TRPC4: variants seen among roughly 807,000 people sequenced by gnomAD.
TRPC4 encodes transient receptor potential cation channel subfamily C member 4, also known as short transient receptor potential channel 4.
TRPC4 carries 49 observed loss-of-function variants against 99.4 expected under a neutral mutation model. The observed-to-expected ratio is 0.49, with a 90% CI of 0.39 to 0.63. TRPC4 has a LOEUF of 0.63. Ranked by LOEUF, TRPC4 falls within the 20% of genes least tolerant of loss-of-function variation. The probability of loss-of-function intolerance (pLI) is 0.00; values close to 1 mark genes in which losing one functional copy is unlikely to be tolerated. For missense variants in TRPC4, 898 were observed against 1,152.9 expected (o/e 0.78, Z 3.20); for synonymous variants, 454 against 425.9 (o/e 1.07, Z -0.81).
At chr13:37,711,576 TC>T (rs1252992371) in intron 3 of TRPC4, among the ~76,000 whole-genome samples, 2 of 152,046 alleles carry the variant, frequency 1.3e-5, no homozygotes, top group African/African-American at 2.4e-5. Flanking sequence ...TTAATTATTT[TC>T]ACTACCATTC....
chr13:37,685,001 A>G (rs756421596), intron 4 of TRPC4, among the ~76,000 whole-genome samples: 1 of 152,154 alleles, frequency 6.6e-6, no homozygotes, highest in Non-Finnish European at 1.5e-5. Flanking sequence ...AAAGTCACAC[A>G]TAATATGTTT....
intron 4 of TRPC4, among the ~76,000 whole-genome samples, chr13:37,687,449 G>T (rs967476240): frequency 6.6e-6 from 1 of 151,968 alleles, no homozygotes; most frequent in African/African-American, 2.4e-5. Context: ...ATTCAAACTG[G>T]GTTTCAGGAA....
In TRPC4 at chr13:37,663,649, G is replaced by A. The variant is rs1694348571; in HGVS notation, c.1455C>T (p.Asn485=). Residue 485 remains asparagine (N), a synonymous_variant, in exon 6 of 11, where the codon AAC becomes AAT. Coordinates refer to ENST00000379705, the MANE Select transcript of TRPC4 (RefSeq NM_016179.4). ...LVAEALFAIA[N]IFSSLRLISL... ...AGATCAGACGCAGAGAACTGAAGAT[G>A]TTTGCAATAGCAAATAAAGCCTCTG... 4 of 1,614,018 alleles carry A rather than the reference G, an allele frequency of 2.5e-6. No individual in the cohort carries two copies. The highest frequency in any genetic ancestry group is 1.3e-5 in the African/African-American group (1 of 74,908).
intron 1 of TRPC4, among the ~76,000 whole-genome samples, chr13:37,843,378 C>T (rs1958796450): frequency 6.6e-6 from 1 of 152,178 alleles, no homozygotes; most frequent in Non-Finnish European, 1.5e-5. Context: ...TTAAACTTCA[C>T]ATGCTTTTAG....
chr13:37,687,157 G>T (rs1453088158), intron 4 of TRPC4, among the ~76,000 whole-genome samples: 3 of 151,950 alleles, frequency 2.0e-5, no homozygotes, highest in Non-Finnish European at 4.4e-5. Flanking sequence ...TAGAGACAGG[G>T]TTTCACTATG....
intron 1 of TRPC4, among the ~76,000 whole-genome samples, chr13:37,827,874 G>C (rs959479078): frequency 4.6e-5 from 7 of 152,176 alleles, no homozygotes; most frequent in African/African-American, 1.7e-4. Flanking sequence ...CCCTAGCCTC[G>C]CTGCTGCCTT....
Position 37,655,190 on chromosome 13 carries a change from C to T in TRPC4, c.1782G>A (p.Glu594=), listed in dbSNP as rs1257827488. ...TCCCAAACATGGTGGCACCAACAAACTCAGTAAATTCATGCTGTGCTTTGA... is the reference window on the plus strand; with the variant it reads ...TCCCAAACATGGTGGCACCAACAAATTCAGTAAATTCATGCTGTGCTTTGA... ...TNVKAQHEFT[E]FVGATMFGTY... Residue 594 remains glutamate (E), a synonymous_variant, in exon 7 of 11, where the codon GAG becomes GAA. Transcript: ENST00000379705. 1.2e-6 allele frequency: 2 copies of T among 1,608,822 alleles called. No individual in the cohort carries two copies. The highest frequency in any genetic ancestry group is 1.7e-5 in the Admixed American group (1 of 59,426).
chr13:37,685,037 T>C (rs886489429), intron 4 of TRPC4, among the ~76,000 whole-genome samples: 4 of 152,120 alleles, frequency 2.6e-5, no homozygotes, highest in Admixed American at 1.3e-4. Context: ...GCAGTGATGA[T>C]ACTGGTGGTG....
intron 1 of TRPC4, among the ~76,000 whole-genome samples, chr13:37,796,345 T>C (rs992439336): frequency 6.6e-6 from 1 of 152,194 alleles, no homozygotes; most frequent in Non-Finnish European, 1.5e-5. Flanking sequence ...TCCCATGCAA[T>C]GAATACAGAG....
chr13:37,821,738 G>A (rs1001684862), intron 1 of TRPC4, among the ~76,000 whole-genome samples: 1 of 152,174 alleles, frequency 6.6e-6, no homozygotes, highest in Non-Finnish European at 1.5e-5. Flanking sequence ...AATAAATGAT[G>A]CTGGGATAAC....
chr13:37,868,892 G>T (rs943064304), intron 1 of TRPC4, among the ~76,000 whole-genome samples: 6 of 151,934 alleles, frequency 3.9e-5, no homozygotes, highest in Non-Finnish European at 5.9e-5. Flanking sequence ...GTCTCTAGTC[G>T]CAAAAGACAG....
chr13:37,732,751 T>G (rs1314537765), intron 3 of TRPC4, among the ~76,000 whole-genome samples: 1 of 152,094 alleles, frequency 6.6e-6, no homozygotes, highest in African/African-American at 2.4e-5. Flanking sequence ...AGAATATATT[T>G]AACCATGGAG....
intron 2 of TRPC4, among the ~76,000 whole-genome samples, chr13:37,765,025 G>C (rs1456783999): frequency 6.6e-6 from 1 of 150,940 alleles, no homozygotes; most frequent in Non-Finnish European, 1.5e-5. Context: ...AAATATTTGT[G>C]AAAGATTGAA....
At chr13:37,811,581 AG>A (rs1390259376) in intron 1 of TRPC4, among the ~76,000 whole-genome samples, 1 of 152,142 alleles carries the variant, frequency 6.6e-6, no homozygotes, top group Non-Finnish European at 1.5e-5. Flanking sequence ...AAGTGTGCAA[AG>A]GTTCAGACAT....
rs767498840 is a variant in TRPC4, at chr13:37,637,116, C to A, written c.2721G>T (p.Val907=). The stretch of plus-strand genomic sequence containing the variant: ...TATTCCTTTCTCTATGGTCTACTAA[C>A]ACACATTGTTCACTGAGACCGGGAA... The part of the protein sequence containing the change: ...LSIPGLSEQC[V]LVDHRERNTD... The change falls in exon 11 of 11, where the codon GTG becomes GTT. Residue 907 remains valine (V), a synonymous_variant. Transcript: ENST00000379705. 8 of 1,613,804 alleles carry A rather than the reference C, an allele frequency of 5.0e-6. No homozygotes were observed. In the Admixed American group the frequency reaches 1.2e-4, roughly 24 times the overall value.
intron 5 of TRPC4, among the ~76,000 whole-genome samples, chr13:37,669,312 G>T (rs1236606603): frequency 6.6e-6 from 1 of 152,126 alleles, no homozygotes; most frequent in Non-Finnish European, 1.5e-5. Context: ...AAATAAACCA[G>T]CCCTAATGAA....
At chr13:37,716,647 A>T (rs1954677635) in intron 3 of TRPC4, among the ~76,000 whole-genome samples, 1 of 152,146 alleles carries the variant, frequency 6.6e-6, no homozygotes, top group East Asian at 1.9e-4. Flanking sequence ...CATAAAAGAC[A>T]TTACTGCTAA....
At chr13:37,757,100 G>A (rs2070972058) in intron 2 of TRPC4, among the ~76,000 whole-genome samples, 1 of 121,788 alleles carries the variant, frequency 8.2e-6, no homozygotes, top group Non-Finnish European at 1.8e-5. Context: ...TAAAAAATAT[G>A]CAATGTGGTA....
At chr13:37,726,032 C>G (rs556791449) in intron 3 of TRPC4, among the ~76,000 whole-genome samples, 1 of 152,076 alleles carries the variant, frequency 6.6e-6, no homozygotes, top group African/African-American at 2.4e-5. Flanking sequence ...CCCTTCTCTA[C>G]TAAAAATATA....
Sources: allele counts gnomAD v4.1 joint callset (sites outside exome capture counted in the v4.1 genomes callset), GRCh38; gene constraint gnomAD v4.1.1; transcripts MANE v1.5; gene names NCBI Gene and HGNC (gene_info 2026-07-23, HGNC 2026-07-21).